LMF1: variants seen among roughly 807,000 people sequenced by gnomAD.
The protein encoded by LMF1 is transmembrane protein 112.
In LMF1, 68 loss-of-function variants were observed where a neutral mutation model predicts 60.6. The ratio of observed to expected loss-of-function variants is 1.12; its 90% confidence interval spans 0.92 to 1.37. The LOEUF is 1.37. Among genes scored for constraint, LMF1 ranks in the 40% most tolerant of loss-of-function variants. The pLI is 0.00. For synonymous variants in LMF1, 418 were observed against 324.7 expected (o/e 1.29, Z -3.09); for missense variants, 948 against 767.2 (o/e 1.24, Z -2.78).
At chr16:868,776 C>CGG (rs746232858) in intron 10 of LMF1, among the ~76,000 whole-genome samples, 168 bp downstream of exon 10, 287 of 50,048 alleles carry the variant, frequency 5.7e-3, no homozygotes, top group Middle Eastern at 0.015. Context: ...TGATGTGGGG[C>CGG]GGGGGGGGGG....
At chr16:862,453 A>G (rs72759439) in intron 10 of LMF1, among the ~76,000 whole-genome samples, 17,657 of 152,128 alleles carry the variant, frequency 0.12, 1,373 homozygotes, top group East Asian at 0.29. Context: ...CTATTTAGTA[A>G]TATTTTGTTA....
intron 10 of LMF1, among the ~76,000 whole-genome samples, chr16:857,468 C>A (rs1280039388): frequency 1.8e-5 from 2 of 109,210 alleles, no homozygotes; most frequent in East Asian, 2.6e-4. Context: ...TGTCTCGGGA[C>A]GGGTGTGAGT....
chr16:890,122 C>T (rs1374398893), intron 5 of LMF1, among the ~76,000 whole-genome samples: 2 of 152,194 alleles, frequency 1.3e-5, no homozygotes, highest in African/African-American at 2.4e-5. Flanking sequence ...CTCCGTCTGT[C>T]GAGTGGAGTC....
At chr16:875,038 GGCCACGCCGCAGAGCACA>G (rs1468525887) in intron 6 of LMF1, among the ~76,000 whole-genome samples, 1 of 152,202 alleles carries the variant, frequency 6.6e-6, no homozygotes, top group Non-Finnish European at 1.5e-5. Context: ...GGGGACGCCA[GGCCACGCCGCAGAGCACA>G]GCCACGACCC....
At chr16:963,907 G>A (rs1024613962) in intron 1 of LMF1, 3 of 375,564 alleles carry the variant, frequency 8.0e-6, no homozygotes, top group Non-Finnish European at 1.6e-5. Context: ...AAAAGATGCA[G>A]TAAAAATCTT....
chr16:931,501 C>T (rs374373187), intron 3 of LMF1: 8 of 508,200 alleles, frequency 1.6e-5, no homozygotes, highest in East Asian at 1.4e-4. Context: ...AGCTGAGGAA[C>T]GCACGCACAA....
At chr16:928,016 C>G (rs943933358) in intron 3 of LMF1, among the ~76,000 whole-genome samples, 1 of 152,214 alleles carries the variant, frequency 6.6e-6, no homozygotes, top group African/African-American at 2.4e-5. Flanking sequence ...GGGCCTGGTA[C>G]GCTTGGAAAG....
At chr16:870,174 G>A in intron 8 of LMF1, 108 bp from the exon 9 acceptor site, 4 of 1,283,288 alleles carry the variant, frequency 3.1e-6, no homozygotes, top group Non-Finnish European at 4.3e-6. Flanking sequence ...CCAGGGGGAG[G>A]GCTACAGCCT....
intron 1 of LMF1, among the ~76,000 whole-genome samples, chr16:965,723 C>T (rs546993705): frequency 6.6e-6 from 1 of 152,292 alleles, no homozygotes; most frequent in East Asian, 1.9e-4. Flanking sequence ...AGTATGAACA[C>T]AACCAAGGGA....
At chr16:937,265 C>G (rs944449403) in intron 2 of LMF1, among the ~76,000 whole-genome samples, 2 of 152,184 alleles carry the variant, frequency 1.3e-5, no homozygotes, top group African/African-American at 4.8e-5. Context: ...ACATTTTCAA[C>G]AGTTGGAACT....
chr16:901,539 G>C (rs1236655495), intron 4 of LMF1: 1 of 152,288 alleles, frequency 6.6e-6, no homozygotes, highest in Non-Finnish European at 1.5e-5. Context: ...CTTCAACGCT[G>C]TGACTTGATG....
chr16:887,771 G>A (rs898059152), intron 5 of LMF1, among the ~76,000 whole-genome samples: 1 of 152,006 alleles, frequency 6.6e-6, no homozygotes, highest in Admixed American at 6.5e-5. Context: ...TGGGCCCGGA[G>A]TCAGGGTGCA....
intron 3 of LMF1, among the ~76,000 whole-genome samples, chr16:914,726 TCTCC>T (rs1291248864): frequency 8.0e-4 from 1 of 1,246 alleles, no homozygotes; most frequent in African/African-American, 3.4e-3. Flanking sequence ...TTGGTGACAC[TCTCC>T]CTCCCTCCCC....
intron 3 of LMF1, among the ~76,000 whole-genome samples, chr16:924,134 C>T (rs911285670): frequency 5.9e-5 from 9 of 152,190 alleles, no homozygotes; most frequent in African/African-American, 2.2e-4. Flanking sequence ...ACTTGTGACA[C>T]AGCTATACTG....
At chr16:860,690 G>C (rs995948390) in intron 10 of LMF1, among the ~76,000 whole-genome samples, 2 of 152,148 alleles carry the variant, frequency 1.3e-5, no homozygotes, top group Non-Finnish European at 2.9e-5. Context: ...GATCCGTTTT[G>C]AGTTATTTTT....
At chr16:892,860 A>C in intron 5 of LMF1, 147 bp downstream of exon 5, 1 of 596,822 alleles carries the variant, frequency 1.7e-6, no homozygotes, top group Non-Finnish European at 2.9e-6. Flanking sequence ...CCACCCCGTG[A>C]AGGGAGGGAG....
At chr16:861,589 C>G (rs567153130) in intron 10 of LMF1, among the ~76,000 whole-genome samples, 26 of 152,218 alleles carry the variant, frequency 1.7e-4, no homozygotes, top group Middle Eastern at 3.4e-3. Flanking sequence ...CTCCCGACCT[C>G]AGGTGACTGG....
At chr16:896,522 C>T (rs746401884) in intron 4 of LMF1, among the ~76,000 whole-genome samples, 1 of 152,234 alleles carries the variant, frequency 6.6e-6, no homozygotes, top group Non-Finnish European at 1.5e-5. Flanking sequence ...GCACCGGAGA[C>T]TGTTTCCCGC....
chr16:955,005 G>A (rs371928941), intron 1 of LMF1, among the ~76,000 whole-genome samples: 24 of 151,336 alleles, frequency 1.6e-4, no homozygotes, highest in Admixed American at 2.0e-4. Context: ...CATAAAATGC[G>A]TGCCTGCAGC....
Sources: allele counts gnomAD v4.1 joint callset (sites outside exome capture counted in the v4.1 genomes callset), GRCh38; gene constraint gnomAD v4.1.1; transcripts MANE v1.5; gene names NCBI Gene and HGNC (gene_info 2026-07-23, HGNC 2026-07-21).